NT5DC3: variants seen among roughly 807,000 people sequenced by gnomAD.
NT5DC3 encodes the protein 5'-nucleotidase domain-containing protein 3.
A neutral mutation model predicts 67.8 loss-of-function variants in NT5DC3; 42 were observed. The ratio of observed to expected loss-of-function variants is 0.62; its 90% CI spans 0.48 to 0.80. The LOEUF (loss-of-function observed/expected upper bound fraction) is 0.80, where lower values mean the gene tolerates loss of function less well. Ranked by LOEUF, NT5DC3 falls within the 30% of genes least tolerant of loss-of-function variation. The probability of loss-of-function intolerance (pLI) is 0.00; values close to 1 mark genes in which losing one functional copy is unlikely to be tolerated. For synonymous variants in NT5DC3, 237 were observed against 255.6 expected, an observed-to-expected ratio of 0.93 and a Z score of 0.69; for missense variants, 570 against 696.4, an observed-to-expected ratio of 0.82 and a Z score of 2.04.
downstream of NT5DC3, chr12:103,766,034 G>T (rs1467185124): frequency 1.5e-6 from 1 of 645,714 alleles, no homozygotes; most frequent in Non-Finnish European, 2.9e-6. Flanking sequence ...TGTAGATGAA[G>T]AAACTGCAGC....
intron 1 of NT5DC3, 82 bp from the exon 2 acceptor site, chr12:103,815,203 C>T (rs955526710): frequency 2.0e-5 from 17 of 859,758 alleles, no homozygotes; most frequent in Admixed American, 2.0e-4. Flanking sequence ...AATGAGTAAA[C>T]TAGACTATAA....
At chr12:103,832,629 C>T (rs553052708) in intron 1 of NT5DC3, among the ~76,000 whole-genome samples, 15 of 152,262 alleles carry the variant, frequency 9.9e-5, no homozygotes, top group South Asian at 4.1e-4. Context: ...GCCACCTCCA[C>T]GGCAATTACA....
chr12:103,798,481 T>C (rs1005237138), intron 5 of NT5DC3, 106 bp downstream of exon 5: 33 of 741,942 alleles, frequency 4.4e-5, no homozygotes, highest in Admixed American at 3.3e-4. Context: ...CAACACACAA[T>C]CTCAAATTTC....
chr12:103,818,142 A>C (rs1294476454), intron 1 of NT5DC3, among the ~76,000 whole-genome samples: 1 of 152,212 alleles, frequency 6.6e-6, no homozygotes, highest in Non-Finnish European at 1.5e-5. Context: ...AAGCCTATTC[A>C]TGGCTCCCAA....
intron 6 of NT5DC3, among the ~76,000 whole-genome samples, chr12:103,796,528 A>C (rs920192268): frequency 1.3e-5 from 2 of 152,128 alleles, no homozygotes; most frequent in Non-Finnish European, 2.9e-5. Context: ...TCTGTTCAAA[A>C]AAAAAAGAAG....
the NT5DC3 span, among the ~76,000 whole-genome samples, chr12:103,751,768 C>CT: frequency 6.6e-6 from 1 of 152,000 alleles, no homozygotes; most frequent in Non-Finnish European, 1.5e-5. Flanking sequence ...TCTACCCAGA[C>CT]CATAGAGTGT....
At chr12:103,808,942 A>G (rs1442284553) in intron 2 of NT5DC3, among the ~76,000 whole-genome samples, 1 of 152,210 alleles carries the variant, frequency 6.6e-6, no homozygotes, top group Non-Finnish European at 1.5e-5. Context: ...ATCCCTCACT[A>G]CATCAGCATG....
intron 1 of NT5DC3, among the ~76,000 whole-genome samples, chr12:103,839,617 G>T (rs1035238243): frequency 3.3e-5 from 5 of 151,950 alleles, no homozygotes; most frequent in African/African-American, 1.2e-4. Flanking sequence ...AAACTTTCCT[G>T]CCCAAAAGCT....
the NT5DC3 span, chr12:103,750,782 C>T: frequency 6.5e-7 from 1 of 1,530,688 alleles, no homozygotes; most frequent in South Asian, 1.2e-5. Flanking sequence ...GGAAGGGACC[C>T]TCAAGGGAAA....
At chr12:103,820,695 T>G (rs1447539502) in intron 1 of NT5DC3, 2 of 152,144 alleles carry the variant, frequency 1.3e-5, no homozygotes, top group Non-Finnish European at 2.9e-5. Flanking sequence ...ATTCTTAATG[T>G]TTTAAAAAAA....
At chr12:103,797,427 G>T (rs529438209) in intron 5 of NT5DC3, among the ~76,000 whole-genome samples, 4 of 150,742 alleles carry the variant, frequency 2.7e-5, no homozygotes, top group Non-Finnish European at 5.9e-5. Context: ...CGGAGATGGC[G>T]CCACTGCACA....
intron 1 of NT5DC3, among the ~76,000 whole-genome samples, chr12:103,828,620 C>T (rs535921589): frequency 1.3e-5 from 2 of 152,254 alleles, no homozygotes; most frequent in South Asian, 4.1e-4. Flanking sequence ...TCCACCCTCA[C>T]CTGCAGGCTC....
intron 4 of NT5DC3, among the ~76,000 whole-genome samples, chr12:103,801,670 A>C (rs1406088015): frequency 1.3e-5 from 2 of 152,052 alleles, no homozygotes; most frequent in Non-Finnish European, 2.9e-5. Context: ...CACGAGCCAC[A>C]GTGCCCAGAC....
At chr12:103,754,252 C>G in the NT5DC3 span, among the ~76,000 whole-genome samples, 5 of 151,884 alleles carry the variant, frequency 3.3e-5, no homozygotes, top group Non-Finnish European at 7.4e-5. Flanking sequence ...TATCAAGCCA[C>G]TAAAATCTCT....
chr12:103,840,389 T>TCC (rs1888340615), intron 1 of NT5DC3, among the ~76,000 whole-genome samples: 1 of 131,854 alleles, frequency 7.6e-6, no homozygotes, highest in African/African-American at 3.4e-5. Context: ...TCATCTCATC[T>TCC]CATCTCATCT....
intron 1 of NT5DC3, among the ~76,000 whole-genome samples, chr12:103,828,323 G>A (rs1477697654): frequency 6.6e-6 from 1 of 152,182 alleles, no homozygotes; most frequent in Non-Finnish European, 1.5e-5. Flanking sequence ...TCCAGCAGAG[G>A]ACTGAACTCT....
At chr12:103,767,065 A>C (rs911540912), downstream of NT5DC3, among the ~76,000 whole-genome samples, 12 of 152,208 alleles carry the variant, frequency 7.9e-5, no homozygotes, top group Non-Finnish European at 5.9e-5. Flanking sequence ...TGACCCAAAA[A>C]TGCCACCCCT....
intron 1 of NT5DC3, among the ~76,000 whole-genome samples, chr12:103,815,357 G>A (rs372928123): frequency 3.9e-5 from 6 of 152,216 alleles, no homozygotes; most frequent in South Asian, 4.2e-4. Context: ...GCCTAGGACC[G>A]CTCACTGCTA....
At chr12:103,794,392 C>T (rs1036871898) in intron 6 of NT5DC3, among the ~76,000 whole-genome samples, 11 of 152,112 alleles carry the variant, frequency 7.2e-5, no homozygotes, top group African/African-American at 2.4e-4. Context: ...TCAAGTAATC[C>T]ACCTGCCTCA....
Sources: gnomAD v4.1 joint callset for allele counts (sites outside exome capture counted in the v4.1 genomes callset) on GRCh38, gnomAD v4.1.1 for gene constraint, MANE v1.5 for transcripts, NCBI Gene and HGNC (gene_info 2026-07-23, HGNC 2026-07-21) for gene names.